The following PIK3C3 variants were observed in gnomAD, a reference collection of about 807,000 sequenced individuals.
PIK3C3 encodes the protein phosphatidylinositol 3-kinase catalytic subunit type 3, also known as PI3-kinase type 3.
PIK3C3 carries 95 observed loss-of-function variants against 126.1 expected under a neutral mutation model. The ratio of observed to expected loss-of-function variants is 0.75; its 90% CI spans 0.64 to 0.89. PIK3C3 has a LOEUF of 0.89. Among genes scored for constraint, PIK3C3 ranks in the 40% least tolerant of loss-of-function variants. PIK3C3 has a pLI of 0.00. For synonymous variants in PIK3C3, 374 were observed against 360.0 expected, an observed-to-expected ratio of 1.04 and a Z score of -0.44; for missense variants, 829 against 1,063.2, an observed-to-expected ratio of 0.78 and a Z score of 3.06.
At chr18:42,005,728 T>TGAG (rs1555633725) in intron 10 of PIK3C3, among the ~76,000 whole-genome samples, 3 of 145,318 alleles carry the variant, frequency 2.1e-5, no homozygotes, top group Admixed American at 7.1e-5. Context: ...GAATTAGTGG[T>TGAG]ATCTGAATTT....
At position 42,049,598 on chromosome 18, in the gene PIK3C3, A is replaced by T; in HGVS notation, c.2256A>T (p.Thr752=). Residue 752 remains threonine, a synonymous_variant, in exon 21 of 25, where the codon ACA becomes ACT. Coordinates refer to ENST00000262039, the MANE Select transcript of PIK3C3 (RefSeq NM_002647.4). The part of the protein sequence containing the change: ...GDRHLDNLLL[T]KTGKLFHIDF... ...GGCACCTGGATAACCTTTTGCTAAC[A>T]AAAACAGGTAACAATTAATGACTAC... is the stretch of plus-strand genomic sequence containing the variant. The T allele has an allele frequency of 6.2e-7, 1 of 1,608,570 alleles. No homozygotes were observed. The highest frequency in any genetic ancestry group is 1.1e-5 in the South Asian group (1 of 90,938).
At chr18:42,003,471 C>G (rs1982390710) in intron 9 of PIK3C3, among the ~76,000 whole-genome samples, 1 of 152,106 alleles carries the variant, frequency 6.6e-6, no homozygotes, top group South Asian at 2.1e-4. Context: ...GAGATGAGTT[C>G]TTGCTGTGTT....
At chr18:42,046,923 G>A (rs116639639) in intron 20 of PIK3C3, among the ~76,000 whole-genome samples, 141 of 152,138 alleles carry the variant, frequency 9.3e-4, no homozygotes, top group African/African-American at 3.3e-3. Context: ...ACGTATTTAT[G>A]ACCATAATCC....
chr18:42,025,253 A>G (rs1983513822), intron 13 of PIK3C3: 1 of 152,284 alleles, frequency 6.6e-6, no homozygotes, highest in South Asian at 2.1e-4. Context: ...TAAACACAGG[A>G]AAAGCTGAAT....
intron 12 of PIK3C3, among the ~76,000 whole-genome samples, chr18:42,017,770 C>T (rs1481049468): frequency 1.3e-5 from 2 of 151,754 alleles, no homozygotes; most frequent in African/African-American, 4.8e-5. Flanking sequence ...TATTTTGTTG[C>T]GTTTATCTTT....
chr18:42,024,903 A>T (rs1232470808), intron 13 of PIK3C3, among the ~76,000 whole-genome samples: 1 of 150,244 alleles, frequency 6.7e-6, no homozygotes. Context: ...TCACGAGTTC[A>T]CGCCATTCTT....
chr18:41,998,278 A>G (rs1598881588), intron 9 of PIK3C3, among the ~76,000 whole-genome samples: 1 of 152,304 alleles, frequency 6.6e-6, no homozygotes, highest in South Asian at 2.1e-4. Context: ...AATATTCACT[A>G]ACAGAAACAC....
At chr18:42,004,130 C>T (rs541298765) in intron 9 of PIK3C3, among the ~76,000 whole-genome samples, 30 of 152,180 alleles carry the variant, frequency 2.0e-4, no homozygotes, top group African/African-American at 6.0e-4. Flanking sequence ...TCATAGTGCT[C>T]GCAAATGATT....
chr18:41,982,006 G>A (rs1981229422), intron 4 of PIK3C3, among the ~76,000 whole-genome samples: 1 of 151,622 alleles, frequency 6.6e-6, no homozygotes, highest in Non-Finnish European at 1.5e-5. Flanking sequence ...GTACTGCATA[G>A]TTTATATTTG....
chr18:41,996,007 T>C lies in PIK3C3; in HGVS notation c.891+13T>C, dbSNP rs763415876. The stretch of plus-strand genomic sequence containing the variant: ...AGATCAGTTAAATGTAAGAGAATTA[T>C]GAAATATTAATTTAAAAATAGTTAA... On this transcript the variant is annotated intron_variant, in intron 8 of 24. Transcript: ENST00000262039. 3 of 1,543,718 alleles carry C rather than the reference T, an allele frequency of 1.9e-6. No individual in the cohort carries two copies. The highest frequency in any genetic ancestry group is 3.4e-5 in the Admixed American group (2 of 59,660).
chr18:42,029,244 A>G (rs1983709653), intron 14 of PIK3C3, 81 bp from the exon 15 acceptor site: 2 of 799,082 alleles, frequency 2.5e-6, no homozygotes, highest in South Asian at 2.9e-5. Context: ...AGAAATATGA[A>G]TAAGGATTAT....
intron 3 of PIK3C3, among the ~76,000 whole-genome samples, chr18:41,969,403 G>A (rs1286406318): frequency 6.6e-6 from 1 of 152,160 alleles, no homozygotes; most frequent in African/African-American, 2.4e-5. Context: ...GAACTTGGCA[G>A]CAGCATAATT....
rs1986413018 is a variant in PIK3C3, at chr18:42,086,989, C to G, written c.*5852C>G. 6.6e-6 allele frequency: 1 copy of G among 152,216 alleles called. No individual in the cohort carries two copies. Among genetic ancestry groups the G allele is most frequent in the Non-Finnish European group, 1.5e-5 (1 of 68,046 alleles). The allele number at this position is 152,216 out of a possible 1,614,324, so 9.4% of individuals were successfully genotyped here. A position where few individuals can be genotyped will look rare whatever the true frequency, so the allele number is the denominator to read the frequency against. On this transcript the variant is annotated 3_prime_UTR_variant, in exon 25 of 25. Transcript: ENST00000262039. ...GTAACTTCAGCAGGATCTGTGAGTGCCAGTTTCCTTCTGTGGTGCAAAACT... is the reference window on the plus strand; with the variant it reads ...GTAACTTCAGCAGGATCTGTGAGTGGCAGTTTCCTTCTGTGGTGCAAAACT...
intron 9 of PIK3C3, among the ~76,000 whole-genome samples, chr18:41,997,439 G>C (rs758934926): frequency 5.2e-4 from 79 of 152,038 alleles, no homozygotes; most frequent in Non-Finnish European, 9.4e-4. Flanking sequence ...TGGACACTTA[G>C]TCTTGAGTCT....
chr18:41,989,891 G>T (rs558565700), intron 5 of PIK3C3, among the ~76,000 whole-genome samples: 1 of 151,978 alleles, frequency 6.6e-6, no homozygotes, highest in Non-Finnish European at 1.5e-5. Context: ...TAATTATTCC[G>T]CAGTATATTT....
intron 4 of PIK3C3, among the ~76,000 whole-genome samples, chr18:41,978,641 CTG>C (rs1981049020): frequency 6.6e-6 from 1 of 152,124 alleles, no homozygotes; most frequent in Non-Finnish European, 1.5e-5. Flanking sequence ...AGAAGTAAGC[CTG>C]TGTTAGACAC....
intron 24 of PIK3C3, among the ~76,000 whole-genome samples, chr18:42,076,174 A>C (rs1203901323): frequency 8.0e-6 from 1 of 125,176 alleles, no homozygotes; most frequent in Non-Finnish European, 1.6e-5. Flanking sequence ...ACATATATAT[A>C]TATGCACATA....
Position 42,037,751 on chromosome 18 carries a change from T to C in PIK3C3, c.1899T>C (p.Val633=). The C allele has an allele frequency of 6.2e-7, 1 of 1,611,132 alleles. No homozygotes were observed. The highest frequency in any genetic ancestry group is 8.5e-7 in the Non-Finnish European group (1 of 1,177,444). ...FKTEDGGKYP[V]IFKHGDDLRQ... is the part of the protein sequence containing the mutation. ...CGGAAGATGGAGGCAAATATCCAGT[T>C]ATATTTAAGCATGGAGATGATTTAC... is the stretch of plus-strand genomic sequence containing the variant. Residue 633 remains valine (V), a synonymous_variant, in exon 17 of 25, where the codon GTT becomes GTC. Transcript: ENST00000262039.
At chr18:41,988,228 A>G (rs544891573) in intron 5 of PIK3C3, among the ~76,000 whole-genome samples, 1 of 152,284 alleles carries the variant, frequency 6.6e-6, no homozygotes, top group Non-Finnish European at 1.5e-5. Context: ...ATCTTCCATC[A>G]GCACAGTGCC....
Sources: allele counts gnomAD v4.1 joint callset (sites outside exome capture counted in the v4.1 genomes callset), GRCh38; gene constraint gnomAD v4.1.1; transcripts MANE v1.5; gene names NCBI Gene and HGNC (gene_info 2026-07-23, HGNC 2026-07-21).